TANC2: variants seen among roughly 807,000 people sequenced by gnomAD.
TANC2 encodes the protein tetratricopeptide repeat, ankyrin repeat and coiled-coil containing 2.
In TANC2, 26 loss-of-function variants were observed where a neutral mutation model predicts 210.5. That is an observed-to-expected ratio of 0.12 (90% CI 0.09 to 0.17). The LOEUF is 0.17. TANC2 is among the 10% of genes least tolerant of loss of function. The pLI, the probability that TANC2 is intolerant of heterozygous loss-of-function variation, is 1.00. For synonymous variants in TANC2, 931 were observed against 967.1 expected (o/e 0.96, Z 0.69); for missense variants, 2,129 against 2,608.9 (o/e 0.82, Z 4.01).
chr17:63,402,637 A>G (rs1456426339), intron 19 of TANC2, among the ~76,000 whole-genome samples: 2 of 152,214 alleles, frequency 1.3e-5, no homozygotes, highest in Non-Finnish European at 2.9e-5. Flanking sequence ...ACTCTGAGCT[A>G]CATCCTGTCT....
chr17:62,990,012 C>A (rs1166247077), intron 1 of TANC2, among the ~76,000 whole-genome samples: 1 of 151,918 alleles, frequency 6.6e-6, no homozygotes, highest in African/African-American at 2.4e-5. Flanking sequence ...CTCCTGACCT[C>A]GTGATCCGCC....
chr17:63,185,872 C>G (rs980311779), intron 5 of TANC2, among the ~76,000 whole-genome samples: 2 of 152,048 alleles, frequency 1.3e-5, no homozygotes, highest in African/African-American at 4.8e-5. Context: ...TAGTAGTTAT[C>G]TCACTCTATG....
intron 15 of TANC2, among the ~76,000 whole-genome samples, chr17:63,387,156 A>AG (rs2047809773): frequency 6.6e-6 from 1 of 152,188 alleles, no homozygotes; most frequent in South Asian, 2.1e-4. Flanking sequence ...GGCTGAAAAT[A>AG]AAATTTTTAA....
chr17:63,227,169 A>C (rs1453632783), intron 7 of TANC2, among the ~76,000 whole-genome samples: 1 of 152,128 alleles, frequency 6.6e-6, no homozygotes, highest in African/African-American at 2.4e-5. Context: ...GTCTTTGAGG[A>C]ATTGCCACAC....
At chr17:63,033,530 A>G (rs757607499) in intron 2 of TANC2, among the ~76,000 whole-genome samples, 1 of 152,186 alleles carries the variant, frequency 6.6e-6, no homozygotes, top group Non-Finnish European at 1.5e-5. Context: ...TAAGCGTTTG[A>G]GGAAACTATA....
At chr17:63,252,526 A>C (rs1160689459) in intron 8 of TANC2, among the ~76,000 whole-genome samples, 2 of 151,476 alleles carry the variant, frequency 1.3e-5, no homozygotes, top group African/African-American at 4.9e-5. Context: ...GACCATCCCC[A>C]CTACCCCCAC....
intron 6 of TANC2, among the ~76,000 whole-genome samples, chr17:63,197,459 G>A (rs925177195): frequency 6.6e-6 from 1 of 152,084 alleles, no homozygotes; most frequent in African/African-American, 2.4e-5. Context: ...TGTTAATTTG[G>A]TGACTTTTTT....
chr17:63,238,407 G>A (rs1473379990), intron 8 of TANC2, among the ~76,000 whole-genome samples: 1 of 152,016 alleles, frequency 6.6e-6, no homozygotes, highest in African/African-American at 2.4e-5. Context: ...TTTAGTTTGA[G>A]GTTTTAGTTC....
At chr17:63,072,232 G>A (rs777355875) in intron 2 of TANC2, among the ~76,000 whole-genome samples, 1 of 152,070 alleles carries the variant, frequency 6.6e-6, no homozygotes, top group Non-Finnish European at 1.5e-5. Flanking sequence ...GAAATACTGA[G>A]CCTTATTAAA....
chr17:63,098,815 C>T (rs973000011), intron 3 of TANC2, among the ~76,000 whole-genome samples: 4 of 151,740 alleles, frequency 2.6e-5, no homozygotes, highest in Non-Finnish European at 5.9e-5. Flanking sequence ...CAATTGCACA[C>T]GATGGCTTGC....
chr17:63,296,416 C>G (rs1290418820), intron 9 of TANC2, among the ~76,000 whole-genome samples: 1 of 151,960 alleles, frequency 6.6e-6, no homozygotes, highest in Non-Finnish European at 1.5e-5. Context: ...CCAAAATAAG[C>G]AATAACAGCA....
In TANC2 at chr17:63,330,842, G is replaced by T. The variant is rs549680186; in HGVS notation, c.1576-9259G>T. ...TGTAATCCTAGCACTTTGAGAGGCC[G>T]AGGTGGGTGGATAACCTGAGGTCAG... On this transcript the variant is annotated intron_variant, in intron 11 of 27. Coordinates refer to ENST00000689528, the Ensembl canonical transcript of TANC2. Among the ~76,000 whole-genome samples the T allele has an allele frequency of 5.7e-4, 87 of 152,284 alleles. 1 individual carries two copies. In the South Asian group the frequency reaches 0.017, roughly 30 times the overall value.
intron 9 of TANC2, among the ~76,000 whole-genome samples, chr17:63,309,502 T>C (rs1345790573): frequency 2.0e-5 from 3 of 152,210 alleles, no homozygotes; most frequent in Admixed American, 1.3e-4. Flanking sequence ...TTATCTGGGT[T>C]TTTAAAATAT....
chr17:63,213,508 G>T (rs1598619436), intron 7 of TANC2, among the ~76,000 whole-genome samples: 1 of 152,074 alleles, frequency 6.6e-6, no homozygotes, highest in African/African-American at 2.4e-5. Context: ...GAATGAAAAA[G>T]ACTTAAGTAT....
intron 25 of TANC2, among the ~76,000 whole-genome samples, chr17:63,414,725 G>T (rs987455616): frequency 1.5e-4 from 23 of 152,218 alleles, no homozygotes; most frequent in African/African-American, 5.5e-4. Context: ...CTGTGGAGTT[G>T]TAACTATAGA....
At chr17:63,144,178 A>G (rs552212804) in intron 4 of TANC2, among the ~76,000 whole-genome samples, 1 of 152,212 alleles carries the variant, frequency 6.6e-6, no homozygotes, top group East Asian at 1.9e-4. Context: ...TTTTAAATGG[A>G]TATAATTGCT....
At position 63,167,884 on chromosome 17, in the gene TANC2, C is replaced by CAA. The variant is rs760465295; in HGVS notation, c.433+16528_433+16529dup. Among the ~76,000 whole-genome samples, 178 of 63,882 alleles carry CAA rather than the reference C, an allele frequency of 2.8e-3. 1 individual carries two copies. Among genetic ancestry groups the CAA allele is most frequent in the Non-Finnish European group, 4.0e-3 (145 of 36,252 alleles). 41.9% of individuals were successfully genotyped at this position (63,882 alleles called of 152,430 possible). Reference sequence around the variant, plus strand: ...TGGGTGACAGAGTGAGACTCTGTCTCAAAAAAAAAAAAAAAAAAAAAAAAA... The same window carrying CAA: ...TGGGTGACAGAGTGAGACTCTGTCTCAAAAAAAAAAAAAAAAAAAAAAAAAAA... On this transcript the variant is annotated intron_variant, in intron 5 of 27. Transcript: ENST00000689528.
chr17:63,261,261 A>G (rs2043348170), intron 8 of TANC2, among the ~76,000 whole-genome samples: 1 of 152,058 alleles, frequency 6.6e-6, no homozygotes, highest in Admixed American at 6.5e-5. Context: ...GAAAAAAAAA[A>G]TCATTAACTA....
At chr17:63,219,778 G>A (rs900635142) in intron 7 of TANC2, among the ~76,000 whole-genome samples, 1 of 151,670 alleles carries the variant, frequency 6.6e-6, no homozygotes, top group Non-Finnish European at 1.5e-5. Flanking sequence ...TGCATGTTCT[G>A]CACATATATC....
Sources: gnomAD v4.1 joint callset for allele counts (sites outside exome capture counted in the v4.1 genomes callset) on GRCh38, gnomAD v4.1.1 for gene constraint, MANE v1.5 for transcripts, NCBI Gene and HGNC (gene_info 2026-07-23, HGNC 2026-07-21) for gene names.